The following MPHOSPH9 variants were observed in gnomAD, a reference collection of about 807,000 sequenced individuals.
MPHOSPH9 encodes M-phase phosphoprotein 9.
A neutral mutation model predicts 145.5 loss-of-function variants in MPHOSPH9; 88 were observed. That is an observed-to-expected ratio of 0.60 (90% CI 0.51 to 0.72). The LOEUF (loss-of-function observed/expected upper bound fraction) is 0.72. MPHOSPH9 is among the 30% of genes least tolerant of loss of function. The probability of loss-of-function intolerance (pLI) is 0.00; values close to 1 mark genes in which losing one functional copy is unlikely to be tolerated. For missense variants in MPHOSPH9, 1,238 were observed against 1,386.6 expected, an observed-to-expected ratio of 0.89 and a Z score of 1.70; for synonymous variants, 435 against 486.2, an observed-to-expected ratio of 0.89 and a Z score of 1.39.
intron 15 of MPHOSPH9, among the ~76,000 whole-genome samples, chr12:123,177,962 C>G (rs182948540): frequency 6.8e-4 from 104 of 152,248 alleles, no homozygotes; most frequent in Middle Eastern, 6.8e-3. Flanking sequence ...AAAATAAAAG[C>G]CTATTTTCAA....
At chr12:123,226,226 A>C (rs983516700) in intron 3 of MPHOSPH9, 1 of 619,938 alleles carries the variant, frequency 1.6e-6, no homozygotes, top group Non-Finnish European at 2.1e-6. Flanking sequence ...TCAATTTTTT[A>C]AGCATATAAT....
chr12:123,222,458 G>A (rs981427447), intron 4 of MPHOSPH9, among the ~76,000 whole-genome samples: 18 of 152,160 alleles, frequency 1.2e-4, no homozygotes, highest in African/African-American at 4.3e-4. Flanking sequence ...GAGGTCAGGA[G>A]TCCCAGACCA....
At chr12:123,167,324 A>T (rs1288492720) in intron 16 of MPHOSPH9, among the ~76,000 whole-genome samples, 1 of 152,160 alleles carries the variant, frequency 6.6e-6, no homozygotes, top group Non-Finnish European at 1.5e-5. Context: ...TGGAGTCACT[A>T]ATGTCAAACT....
chr12:123,179,789 C>T (rs1011016946), intron 15 of MPHOSPH9, 137 bp downstream of exon 15: 4 of 417,106 alleles, frequency 9.6e-6, no homozygotes, highest in Non-Finnish European at 1.7e-5. Context: ...ATTTCCATGT[C>T]AAGGGAAAAT....
intron 11 of MPHOSPH9, among the ~76,000 whole-genome samples, chr12:123,200,522 A>T (rs1433628936): frequency 6.6e-6 from 1 of 152,150 alleles, no homozygotes; most frequent in Non-Finnish European, 1.5e-5. Flanking sequence ...TTCTAGTCAT[A>T]AAAATGTTTT....
chr12:123,189,518 T>C (rs1161654561), intron 13 of MPHOSPH9, among the ~76,000 whole-genome samples: 1 of 152,074 alleles, frequency 6.6e-6, no homozygotes, highest in Non-Finnish European at 1.5e-5. Flanking sequence ...GGAAAGTGGA[T>C]AAATATACTA....
chr12:123,168,823 A>G lies in MPHOSPH9; in HGVS notation c.2457-2034T>C, dbSNP rs530005267. Among the ~76,000 whole-genome samples, 5 of 151,708 alleles carry G rather than the reference A, an allele frequency of 3.3e-5. No homozygotes were observed. The South Asian group carries it at 6.2e-4, about 19-fold the overall frequency. ...TGTTTTCTCTCTGTCCCCTTTCACA[A>G]CCAAACATTTTAGAGGCTGCCTCTT... On this transcript the variant is annotated intron_variant, in intron 16 of 23. Coordinates refer to ENST00000606320, the MANE Select transcript of MPHOSPH9 (RefSeq NM_022782.4).
Position 123,214,734 on chromosome 12 carries a change from A to G in MPHOSPH9, c.1087+10T>C. 6.3e-7 allele frequency: 1 copy of G among 1,592,656 alleles called. No homozygotes were observed. Among genetic ancestry groups the G allele is most frequent in the African/African-American group, 1.3e-5 (1 of 74,312 alleles). On this transcript the variant is annotated intron_variant, in intron 7 of 23. Coordinates refer to ENST00000606320, the MANE Select transcript of MPHOSPH9 (RefSeq NM_022782.4). ...TTAGGTTAAAAAAAATAAAAATGTA[A>G]GTATCATACCTGTTCCTGAATCAGA...
At chr12:123,217,766 G>A (rs190363831) in intron 6 of MPHOSPH9, among the ~76,000 whole-genome samples, 58 of 151,618 alleles carry the variant, frequency 3.8e-4, no homozygotes, top group Admixed American at 1.1e-3. Flanking sequence ...TAAATGGGCC[G>A]AGCGTGGTGG....
chr12:123,170,501 C>T (rs564257338), intron 16 of MPHOSPH9, among the ~76,000 whole-genome samples: 1 of 152,088 alleles, frequency 6.6e-6, no homozygotes, highest in East Asian at 1.9e-4. Flanking sequence ...AGGCTGGTCT[C>T]AAACTCCTGG....
chr12:123,238,014 GCCT>G (rs1268195385), upstream of MPHOSPH9, among the ~76,000 whole-genome samples: 3 of 151,814 alleles, frequency 2.0e-5, no homozygotes, highest in African/African-American at 4.8e-5. Context: ...TTCTGCTGCA[GCCT>G]CCCGAGTAGC....
In MPHOSPH9 at chr12:123,224,176, C is replaced by A. The variant is rs912022277; in HGVS notation, c.259-1049G>T. Among the ~76,000 whole-genome samples, 25 of 142,718 alleles carry A rather than the reference C, an allele frequency of 1.8e-4. No individual in the cohort carries two copies. The Admixed American group carries it at 1.8e-3, about 10-fold the overall frequency. The allele number at this position is 142,718 out of a possible 152,430, so 93.6% of individuals were successfully genotyped here. On this transcript the variant is annotated intron_variant, in intron 3 of 23. Transcript: ENST00000606320. ...TGGAGACAGAGTCTTGCTCTGTCGC[C>A]CAGACTGGAGTGCAGTGGCATGATC... is the stretch of plus-strand genomic sequence containing the variant.
At chr12:123,229,399 T>TA (rs951408904) in intron 2 of MPHOSPH9, among the ~76,000 whole-genome samples, 5 of 152,110 alleles carry the variant, frequency 3.3e-5, no homozygotes, top group Non-Finnish European at 5.9e-5. Flanking sequence ...CATTAAAAAA[T>TA]AAAAAACCAA....
intron 6 of MPHOSPH9, 80 bp downstream of exon 6, chr12:123,218,296 A>C (rs2047055321): frequency 5.2e-6 from 8 of 1,539,160 alleles, no homozygotes; most frequent in East Asian, 4.6e-5. Flanking sequence ...AAAGGGCACA[A>C]GAGTTTTGTT....
intron 12 of MPHOSPH9, among the ~76,000 whole-genome samples, chr12:123,195,727 G>A (rs546214408): frequency 4.6e-5 from 7 of 152,120 alleles, no homozygotes; most frequent in Non-Finnish European, 5.9e-5. Context: ...TAATAGTCCC[G>A]AATGTCATGA....
In MPHOSPH9 at chr12:123,154,296, G is replaced by C. The variant is rs1476273843; in HGVS notation, c.*2511C>G. On this transcript the variant is annotated 3_prime_UTR_variant, in exon 24 of 24. Transcript: ENST00000606320. ...ACAACAAAAATAGTTTATACCCGGG[G>C]ATAATAGCTGCTATTTAGAATTGCC... 1 of 151,834 alleles carries C rather than the reference G, an allele frequency of 6.6e-6. No individual in the cohort carries two copies. Among genetic ancestry groups the C allele is most frequent in the Non-Finnish European group, 1.5e-5 (1 of 68,004 alleles). The allele number at this position is 151,834 out of a possible 1,614,324, so 9.4% of individuals were successfully genotyped here.
chr12:123,197,395 C>T (rs530219486), intron 12 of MPHOSPH9, among the ~76,000 whole-genome samples: 1 of 151,988 alleles, frequency 6.6e-6, no homozygotes, highest in Non-Finnish European at 1.5e-5. Context: ...TGGTCTCGAA[C>T]TCCTGGGCTC....
chr12:123,226,579 TG>T (rs1183419160), intron 3 of MPHOSPH9, among the ~76,000 whole-genome samples: 1 of 151,962 alleles, frequency 6.6e-6, no homozygotes, highest in African/African-American at 2.4e-5. Flanking sequence ...TCACAAACTC[TG>T]GGCACAAGCT....
intron 1 of MPHOSPH9, among the ~76,000 whole-genome samples, chr12:123,231,726 T>A (rs181522431): frequency 6.6e-6 from 1 of 151,746 alleles, no homozygotes; most frequent in Non-Finnish European, 1.5e-5. Context: ...ATAAAAAAAT[T>A]ATTTGCCAGG....
Sources: allele counts gnomAD v4.1 joint callset (sites outside exome capture counted in the v4.1 genomes callset), GRCh38; gene constraint gnomAD v4.1.1; transcripts MANE v1.5; gene names NCBI Gene and HGNC (gene_info 2026-07-23, HGNC 2026-07-21).